Variants in RIMS1 observed in about 807,000 individuals in gnomAD.
RIMS1 encodes the protein regulating synaptic membrane exocytosis protein 1.
In RIMS1, 83 loss-of-function variants were observed where a neutral mutation model predicts 214.1. The ratio of observed to expected loss-of-function variants is 0.39; its 90% CI spans 0.32 to 0.47. RIMS1 has a LOEUF of 0.47. RIMS1 is among the 20% of genes least tolerant of loss of function. The pLI is 0.99. For synonymous variants in RIMS1, 793 were observed against 786.8 expected, an observed-to-expected ratio of 1.01 and a Z score of -0.13; for missense variants, 2,050 against 2,161.8, an observed-to-expected ratio of 0.95 and a Z score of 1.03.
At chr6:72,193,312 A>G (rs1284746569) in intron 6 of RIMS1, among the ~76,000 whole-genome samples, 1 of 152,208 alleles carries the variant, frequency 6.6e-6, no homozygotes, top group East Asian at 1.9e-4. Context: ...GCATCTGGGA[A>G]CACAAGGATA....
chr6:72,016,702 T>G (rs1812873322), intron 2 of RIMS1, among the ~76,000 whole-genome samples: 1 of 152,218 alleles, frequency 6.6e-6, no homozygotes, highest in Non-Finnish European at 1.5e-5. Context: ...ATTCTAGAAG[T>G]GCTTTTTTTC....
intron 28 of RIMS1, among the ~76,000 whole-genome samples, chr6:72,323,139 A>G (rs2096263625): frequency 1.3e-5 from 2 of 152,122 alleles, no homozygotes; most frequent in South Asian, 4.1e-4. Flanking sequence ...CAAATCTTTA[A>G]ACCCAAACTC....
intron 26 of RIMS1, among the ~76,000 whole-genome samples, chr6:72,295,197 T>A (rs1394094486): frequency 6.6e-6 from 1 of 151,756 alleles, no homozygotes; most frequent in African/African-American, 2.4e-5. Flanking sequence ...TCCAATGATA[T>A]TCCTCTTCAG....
intron 6 of RIMS1, among the ~76,000 whole-genome samples, chr6:72,225,093 A>C (rs1366394810): frequency 6.6e-6 from 1 of 151,342 alleles, no homozygotes; most frequent in African/African-American, 2.4e-5. Flanking sequence ...AAATAAAAAC[A>C]AAGACAAACA....
At position 72,195,534 on chromosome 6, in the gene RIMS1, G is replaced by T. The variant is rs145485990; in HGVS notation, c.1678+12385G>T. Among the ~76,000 whole-genome samples the T allele has an allele frequency of 8.5e-5, 13 of 152,164 alleles. No individual in the cohort carries two copies. In the East Asian group the frequency reaches 2.5e-3, roughly 29 times the overall value. Reference sequence around the variant, plus strand: ...TGTTAGGGTACCAAGTGTAGATTGTGGCAATATGAATAATTGCCTGTTAAG... The same window carrying T: ...TGTTAGGGTACCAAGTGTAGATTGTTGCAATATGAATAATTGCCTGTTAAG... On this transcript the variant is annotated intron_variant, in intron 6 of 33. Coordinates refer to ENST00000521978, the MANE Select transcript of RIMS1 (RefSeq NM_014989.7).
intron 5 of RIMS1, among the ~76,000 whole-genome samples, chr6:72,180,542 T>A (rs190148079): frequency 3.3e-5 from 5 of 152,320 alleles, no homozygotes; most frequent in African/African-American, 4.8e-5. Context: ...TAGCTTTTAT[T>A]GTAGGTGAAA....
intron 28 of RIMS1, among the ~76,000 whole-genome samples, chr6:72,321,700 A>G (rs1431301562): frequency 1.3e-5 from 2 of 151,988 alleles, no homozygotes; most frequent in East Asian, 3.9e-4. Context: ...CCCTCCTTAC[A>G]TGAAATTTTA....
intron 1 of RIMS1, among the ~76,000 whole-genome samples, chr6:71,960,124 A>G (rs1792491120): frequency 6.6e-6 from 1 of 152,140 alleles, no homozygotes; most frequent in South Asian, 2.1e-4. Flanking sequence ...TTTTAAGTTA[A>G]TCAAGACCAT....
intron 3 of RIMS1, among the ~76,000 whole-genome samples, chr6:72,099,666 T>G (rs1034738063): frequency 1.3e-5 from 2 of 152,136 alleles, no homozygotes; most frequent in Non-Finnish European, 2.9e-5. Flanking sequence ...TGAATTAACC[T>G]TCTTTATGAA....
chr6:72,102,051 C>G (rs887188564), intron 4 of RIMS1, among the ~76,000 whole-genome samples: 2 of 151,900 alleles, frequency 1.3e-5, no homozygotes, highest in Non-Finnish European at 2.9e-5. Flanking sequence ...TAGCAATACT[C>G]TAAAATTTCC....
intron 6 of RIMS1, among the ~76,000 whole-genome samples, chr6:72,193,420 T>A (rs982175769): frequency 1.3e-5 from 2 of 152,248 alleles, no homozygotes; most frequent in Non-Finnish European, 2.9e-5. Context: ...AAAGTGGTCA[T>A]CCTACTCTAA....
At chr6:72,328,405 C>A (rs1008265814) in intron 28 of RIMS1, among the ~76,000 whole-genome samples, 1 of 151,642 alleles carries the variant, frequency 6.6e-6, no homozygotes, top group Non-Finnish European at 1.5e-5. Context: ...ATGTAACAAA[C>A]CTTCATGTTC....
At chr6:71,975,828 G>T (rs1796988920) in intron 2 of RIMS1, among the ~76,000 whole-genome samples, 3 of 151,920 alleles carry the variant, frequency 2.0e-5, no homozygotes. Context: ...TATTATATGT[G>T]TCTGTTTATA....
chr6:72,190,527 G>C (rs2049918051), intron 6 of RIMS1, among the ~76,000 whole-genome samples: 1 of 150,952 alleles, frequency 6.6e-6, no homozygotes, highest in Non-Finnish European at 1.5e-5. Flanking sequence ...TATAGTGCTG[G>C]AGCTGTCCGC....
At chr6:72,395,090 A>G (rs1426686183) in intron 31 of RIMS1, among the ~76,000 whole-genome samples, 1 of 152,094 alleles carries the variant, frequency 6.6e-6, no homozygotes, top group Non-Finnish European at 1.5e-5. Context: ...GAACTATAGA[A>G]TACCACCAAT....
At chr6:72,061,485 T>C (rs1827838962) in intron 2 of RIMS1, among the ~76,000 whole-genome samples, 1 of 152,262 alleles carries the variant, frequency 6.6e-6, no homozygotes, top group African/African-American at 2.4e-5. Context: ...TCTGTTTGTT[T>C]CCACGGATGG....
At chr6:71,917,757 A>C (rs1778849528) in intron 1 of RIMS1, among the ~76,000 whole-genome samples, 1 of 152,172 alleles carries the variant, frequency 6.6e-6, no homozygotes, top group Non-Finnish European at 1.5e-5. Context: ...TATAGCTTGA[A>C]CCAACCAAAG....
At chr6:72,061,361 A>T (rs1049231291) in intron 2 of RIMS1, among the ~76,000 whole-genome samples, 26 of 152,256 alleles carry the variant, frequency 1.7e-4, no homozygotes, top group Non-Finnish European at 2.2e-4. Flanking sequence ...CATGACACCA[A>T]AAAATTTAAT....
intron 1 of RIMS1, among the ~76,000 whole-genome samples, chr6:71,919,570 TG>T (rs1779413797): frequency 1.3e-5 from 2 of 152,066 alleles, no homozygotes; most frequent in South Asian, 4.2e-4. Flanking sequence ...CTGCTTATGG[TG>T]AAAGTCATGA....
Sources: gnomAD v4.1 joint callset for allele counts (sites outside exome capture counted in the v4.1 genomes callset) on GRCh38, gnomAD v4.1.1 for gene constraint, MANE v1.5 for transcripts, NCBI Gene and HGNC (gene_info 2026-07-23, HGNC 2026-07-21) for gene names.